Variants in ITCH observed in about 807,000 individuals in gnomAD.
The protein encoded by ITCH is itchy E3 ubiquitin protein ligase.
Under a neutral mutation model 126.8 loss-of-function variants are expected in ITCH, and 28 were observed. That is an observed-to-expected ratio of 0.22 (90% CI 0.16 to 0.30). ITCH has a LOEUF of 0.30. Ranked by LOEUF, ITCH falls within the 10% of genes least tolerant of loss-of-function variation. ITCH has a pLI of 1.00. For synonymous variants in ITCH, 342 were observed against 340.0 expected, an observed-to-expected ratio of 1.01 and a Z score of -0.06; for missense variants, 631 against 1,032.4, an observed-to-expected ratio of 0.61 and a Z score of 5.33.
chr20:34,413,962 A>ATT, intron 6 of ITCH, 83 bp downstream of exon 6: 7 of 1,148,956 alleles, frequency 6.1e-6, no homozygotes, highest in South Asian at 1.4e-5. Flanking sequence ...AATTATTTTG[A>ATT]TTTTTTTTTT....
intron 1 of ITCH, among the ~76,000 whole-genome samples, chr20:34,363,572 A>C (rs950760703): frequency 6.6e-6 from 1 of 151,982 alleles, no homozygotes; most frequent in Non-Finnish European, 1.5e-5. Context: ...GTTCGGAGGG[A>C]TCAGTGTCTG....
chr20:34,497,163 G>GT (rs1989943389), intron 23 of ITCH, among the ~76,000 whole-genome samples: 4 of 151,810 alleles, frequency 2.6e-5, no homozygotes, highest in South Asian at 2.1e-4. Flanking sequence ...CACCTGGCTA[G>GT]TTTTTTTATT....
chr20:34,457,452 T>C lies in ITCH; in HGVS notation c.1273T>C (p.Trp425Arg). ...CAACCACAACACACGAATTACACAA[T>C]GGGAAGACCCCAGAAGTCAAGGGTA... ...FVNHNTRITQ[W>R]EDPRSQGQLN... Residue 425 changes from tryptophan (W) to arginine (R), a missense_variant, in exon 13 of 25, where the codon TGG becomes CGG. Transcript: ENST00000374864. The C allele has an allele frequency of 6.2e-7, 1 of 1,611,640 alleles. No individual in the cohort carries two copies. Among genetic ancestry groups the C allele is most frequent in the Non-Finnish European group, 8.5e-7 (1 of 1,177,878 alleles).
In ITCH at chr20:34,480,871, C is replaced by G. The variant is rs963227875; in HGVS notation, c.1952+139C>G. ...TATATATCAAACCTGTCTTTTTATT[C>G]AATATGATAAATTTTACAAAAATAC... On this transcript the variant is annotated intron_variant, in intron 19 of 24. Transcript: ENST00000374864. 44 of 967,134 alleles carry G rather than the reference C, an allele frequency of 4.5e-5. No homozygotes were observed. The East Asian group carries it at 1.2e-3, about 25-fold the overall frequency. 59.9% of individuals were successfully genotyped at this position (967,134 alleles called of 1,614,324 possible).
At chr20:34,466,887 A>G (rs1289295553) in intron 14 of ITCH, among the ~76,000 whole-genome samples, 1 of 152,226 alleles carries the variant, frequency 6.6e-6, no homozygotes, top group Non-Finnish European at 1.5e-5. Flanking sequence ...GATGCTAGAA[A>G]AAGGCAAGTT....
intron 2 of ITCH, among the ~76,000 whole-genome samples, chr20:34,370,389 G>A (rs1415663945): frequency 6.6e-6 from 1 of 152,136 alleles, no homozygotes; most frequent in Non-Finnish European, 1.5e-5. Context: ...GCCAGGCACG[G>A]TGGCTCATAC....
Position 34,440,333 on chromosome 20 carries a change from C to T in ITCH, c.858C>T (p.Pro286=), listed in dbSNP as rs565435410. The T allele has an allele frequency of 6.7e-5, 108 of 1,613,486 alleles. No homozygotes were observed. The highest frequency in any genetic ancestry group is 4.9e-4 in the Middle Eastern group (3 of 6,062). The change falls in exon 9 of 25, where the codon CCC becomes CCT. Residue 286 remains proline (P), a synonymous_variant. Coordinates refer to ENST00000374864, the MANE Select transcript of ITCH (RefSeq NM_031483.7). ...PRPLNPVTQA[P]LPPGWEQRVD... ...CATTAAATCCTGTAACTCAAGCTCC[C>T]TTGCCACCTGGGTGAGTAACTTTTT...
At chr20:34,466,204 A>G in intron 14 of ITCH, 1 of 310,260 alleles carries the variant, frequency 3.2e-6, no homozygotes, top group South Asian at 2.9e-5. Context: ...TCATTCTGTT[A>G]ATGTGGTATA....
intron 2 of ITCH, among the ~76,000 whole-genome samples, chr20:34,381,258 G>A (rs1601760987): frequency 6.6e-6 from 1 of 151,916 alleles, no homozygotes; most frequent in African/African-American, 2.4e-5. Context: ...CAACTATCTG[G>A]ACGTGGTGGT....
chr20:34,400,435 A>G (rs1317903406), intron 3 of ITCH, among the ~76,000 whole-genome samples: 1 of 152,128 alleles, frequency 6.6e-6, no homozygotes, highest in Non-Finnish European at 1.5e-5. Flanking sequence ...TGAGCAAGAC[A>G]CATGAAAGAA....
chr20:34,487,896 G>T (rs1181969370), intron 20 of ITCH, among the ~76,000 whole-genome samples: 3 of 152,174 alleles, frequency 2.0e-5, no homozygotes, highest in African/African-American at 7.2e-5. Flanking sequence ...TCGAGATCAC[G>T]CCATTGCGCT....
chr20:34,405,701 A>G (rs961673090), intron 3 of ITCH, among the ~76,000 whole-genome samples: 21 of 152,180 alleles, frequency 1.4e-4, no homozygotes, highest in Admixed American at 6.5e-5. Context: ...TATTAAAAGT[A>G]GAAATTTTAT....
intron 6 of ITCH, among the ~76,000 whole-genome samples, chr20:34,414,714 A>G (rs988501192): frequency 1.3e-5 from 2 of 152,046 alleles, no homozygotes; most frequent in African/African-American, 4.8e-5. Context: ...TCTTGACCTC[A>G]GGTGATCCGC....
At chr20:34,503,579 G>A (rs1990397939) in intron 23 of ITCH, among the ~76,000 whole-genome samples, 1 of 152,038 alleles carries the variant, frequency 6.6e-6, no homozygotes. Flanking sequence ...TTTAAATCAA[G>A]TTTTATTGTA....
At chr20:34,403,959 C>T (rs1342367702) in intron 3 of ITCH, among the ~76,000 whole-genome samples, 1 of 152,118 alleles carries the variant, frequency 6.6e-6, no homozygotes, top group Non-Finnish European at 1.5e-5. Flanking sequence ...TAAGTTATAG[C>T]TGCATACTAA....
At chr20:34,473,225 T>C (rs1440021807) in intron 16 of ITCH, among the ~76,000 whole-genome samples, 2 of 152,258 alleles carry the variant, frequency 1.3e-5, no homozygotes, top group Non-Finnish European at 2.9e-5. Flanking sequence ...GTTTCTTCTG[T>C]TAACACAGCA....
intron 24 of ITCH, 45 bp from the exon 25 acceptor site, chr20:34,507,650 T>A (rs1357178901): frequency 6.9e-7 from 1 of 1,446,550 alleles, no homozygotes; most frequent in Admixed American, 1.7e-5. Flanking sequence ...CTCATTTGAT[T>A]CTTTGCATAT....
intron 17 of ITCH, 27 bp downstream of exon 17, chr20:34,477,887 T>C (rs117150104): frequency 6.2e-7 from 1 of 1,612,754 alleles, no homozygotes; most frequent in Non-Finnish European, 8.5e-7. Context: ...TACTCAGAAC[T>C]TAGTTCCTTT....
chr20:34,494,019 A>AG (rs1272926478), intron 23 of ITCH, among the ~76,000 whole-genome samples: 1 of 152,188 alleles, frequency 6.6e-6, no homozygotes, highest in Non-Finnish European at 1.5e-5. Flanking sequence ...GCTTGAGCTC[A>AG]GGAGTTTGAG....
Sources: allele counts gnomAD v4.1 joint callset (sites outside exome capture counted in the v4.1 genomes callset), GRCh38; gene constraint gnomAD v4.1.1; transcripts MANE v1.5; gene names NCBI Gene and HGNC (gene_info 2026-07-23, HGNC 2026-07-21).